STRN: variants seen among roughly 807,000 people sequenced by gnomAD.
The protein encoded by STRN is protein phosphatase 2 regulatory subunit B'''alpha.
STRN carries 53 observed loss-of-function variants against 96.3 expected under a neutral mutation model. The ratio of observed to expected loss-of-function variants is 0.55; its 90% CI spans 0.44 to 0.69. STRN has a LOEUF of 0.69. Ranked by LOEUF, STRN falls within the 30% of genes least tolerant of loss-of-function variation. The probability of loss-of-function intolerance (pLI) is 0.00; values close to 1 mark genes in which losing one functional copy is unlikely to be tolerated. For synonymous variants in STRN, 428 were observed against 355.9 expected (o/e 1.20, Z -2.28); for missense variants, 987 against 963.9 (o/e 1.02, Z -0.32).
chr2:36,934,035 G>C (rs1326373636), intron 1 of STRN, among the ~76,000 whole-genome samples: 4 of 152,112 alleles, frequency 2.6e-5, no homozygotes, highest in African/African-American at 9.7e-5. Context: ...CGTGAACCTA[G>C]GAGGCAGAGC....
intron 7 of STRN, among the ~76,000 whole-genome samples, chr2:36,892,408 C>T (rs1034918529): frequency 7.3e-5 from 11 of 151,516 alleles, no homozygotes; most frequent in Admixed American, 3.3e-4. Flanking sequence ...AATGTACTCC[C>T]AAAACTGAAA....
intron 1 of STRN, among the ~76,000 whole-genome samples, chr2:36,937,341 TCA>T (rs1491093737): frequency 1.7e-4 from 4 of 22,886 alleles, no homozygotes; most frequent in Admixed American, 1.1e-3. Flanking sequence ...TGAGACTGTC[TCA>T]AAAAAAAAAA....
intron 1 of STRN, among the ~76,000 whole-genome samples, chr2:36,941,794 C>A (rs1202927465): frequency 6.6e-6 from 1 of 151,562 alleles, no homozygotes; most frequent in African/African-American, 2.4e-5. Context: ...CTTGGGTGAT[C>A]CCCCAACCTC....
chr2:36,895,049 C>T (rs1377152014), intron 6 of STRN, among the ~76,000 whole-genome samples: 6 of 152,072 alleles, frequency 3.9e-5, no homozygotes, highest in African/African-American at 1.4e-4. Flanking sequence ...AAGGAGTGGC[C>T]GGGCCCGGTG....
At position 36,839,729 on chromosome 2, in the gene STRN, A is replaced by T. The variant is rs1667904755; in HGVS notation, c.*9727T>A. Among the ~76,000 whole-genome samples the T allele has an allele frequency of 6.6e-6, 1 of 152,214 alleles. No homozygotes were observed. The highest frequency in any genetic ancestry group is 2.4e-5 in the African/African-American group (1 of 41,458). ...CTGATCTTAAAGGAATCATATTTTT[A>T]GTAATTTTAATGACAGTTCTTACAT... On this transcript the variant is annotated 3_prime_UTR_variant, in exon 18 of 18. Transcript: ENST00000263918.
At chr2:36,965,226 G>A (rs1370699657) in intron 1 of STRN, among the ~76,000 whole-genome samples, 2 of 152,174 alleles carry the variant, frequency 1.3e-5, no homozygotes, top group Non-Finnish European at 2.9e-5. Context: ...TAAGTATACA[G>A]GCTTAGCCCG....
intron 8 of STRN, among the ~76,000 whole-genome samples, chr2:36,884,654 T>C (rs1236164938): frequency 6.6e-6 from 1 of 152,154 alleles, no homozygotes; most frequent in Non-Finnish European, 1.5e-5. Flanking sequence ...CAAAGTCTGT[T>C]ATGGTTTGTT....
At chr2:36,877,300 A>T (rs1398050451) in intron 10 of STRN, among the ~76,000 whole-genome samples, 1 of 152,224 alleles carries the variant, frequency 6.6e-6, no homozygotes, top group Non-Finnish European at 1.5e-5. Context: ...CTAAAAAAGA[A>T]AACAAAATCC....
At position 36,885,640 on chromosome 2, in the gene STRN, G is replaced by A. The variant is rs141991966; in HGVS notation, c.1042+1076C>T. ...TTTTATCAAATCAAGCTAAACGCTT[G>A]TAATTTCTAAAATATTTTAAATAAA... is the stretch of plus-strand genomic sequence containing the variant. On this transcript the variant is annotated intron_variant, in intron 8 of 17. Coordinates refer to ENST00000263918, the MANE Select transcript of STRN (RefSeq NM_003162.4). Among the ~76,000 whole-genome samples, 93 of 152,124 alleles carry A rather than the reference G, an allele frequency of 6.1e-4. 2 individuals are homozygous for A. In the East Asian group the frequency reaches 0.016, roughly 26 times the overall value.
intron 5 of STRN, among the ~76,000 whole-genome samples, chr2:36,901,280 TGGG>T (rs907659352): frequency 3.9e-5 from 6 of 152,086 alleles, no homozygotes. Context: ...TGGCCAGGCG[TGGG>T]GGCTCATGCC....
chr2:36,945,348 T>C (rs1011982878), intron 1 of STRN, among the ~76,000 whole-genome samples: 3 of 152,106 alleles, frequency 2.0e-5, no homozygotes, highest in Non-Finnish European at 4.4e-5. Flanking sequence ...AATAACATTA[T>C]CAAAAATACA....
intron 7 of STRN, among the ~76,000 whole-genome samples, chr2:36,893,649 A>G (rs1669460911): frequency 6.6e-6 from 1 of 152,200 alleles, no homozygotes; most frequent in Non-Finnish European, 1.5e-5. Flanking sequence ...AACAGAGAAT[A>G]TTCTGTATAG....
intron 14 of STRN, among the ~76,000 whole-genome samples, chr2:36,857,067 C>T (rs996562014): frequency 7.3e-5 from 11 of 149,862 alleles, no homozygotes; most frequent in African/African-American, 2.5e-4. Flanking sequence ...TATAGTGGTA[C>T]GAGAATGGGC....
rs188607310 is a variant in STRN at position 36,857,158 on chromosome 2, C to T, written c.1837+698G>A. Among the ~76,000 whole-genome samples the T allele has an allele frequency of 1.5e-4, 22 of 151,288 alleles. No individual in the cohort carries two copies. In the East Asian group the frequency reaches 3.7e-3, roughly 26 times the overall value. On this transcript the variant is annotated intron_variant, in intron 14 of 17. Coordinates refer to ENST00000263918, the MANE Select transcript of STRN (RefSeq NM_003162.4). ...GCCCAGCTGGTCCCAAATTCCTGGC[C>T]TCTCGTGATCCTCCTGCCTCAGCCT...
At chr2:36,957,787 G>GT (rs1664932353) in intron 1 of STRN, among the ~76,000 whole-genome samples, 1 of 95,320 alleles carries the variant, frequency 1.0e-5, no homozygotes, top group Non-Finnish European at 1.9e-5. Flanking sequence ...TGGAGTCTCT[G>GT]TTGCCCAGGC....
intron 1 of STRN, among the ~76,000 whole-genome samples, chr2:36,944,996 A>C (rs1024347697): frequency 6.6e-6 from 1 of 152,230 alleles, no homozygotes; most frequent in Non-Finnish European, 1.5e-5. Flanking sequence ...TGCAGTACTT[A>C]GTCAAATCAA....
In STRN at chr2:36,847,241, A is replaced by G. The variant is rs1668102128; in HGVS notation, c.*2215T>C. ...AAAAATTTCAACCATGAAGCATAAA[A>G]TGAACGGGGGAAGAATGTCCTGGTT... On this transcript the variant is annotated 3_prime_UTR_variant, in exon 18 of 18. Transcript: ENST00000263918. The G allele has an allele frequency of 6.6e-6, 1 of 152,192 alleles. No homozygotes were observed. The highest frequency in any genetic ancestry group is 1.5e-5 in the Non-Finnish European group (1 of 68,024). 9.4% of individuals were successfully genotyped at this position (152,192 alleles called of 1,614,324 possible).
At chr2:36,923,460 A>G (rs988393505) in intron 2 of STRN, among the ~76,000 whole-genome samples, 1 of 151,932 alleles carries the variant, frequency 6.6e-6, no homozygotes, top group South Asian at 2.1e-4. Context: ...AAAAAAAAAA[A>G]AAAACAACTC....
intron 9 of STRN, among the ~76,000 whole-genome samples, chr2:36,879,330 A>G (rs1669006554): frequency 6.6e-6 from 1 of 152,224 alleles, no homozygotes; most frequent in African/African-American, 2.4e-5. Context: ...TTGGCCTCCC[A>G]AAGTGCTGGG....
Sources: allele counts gnomAD v4.1 joint callset (sites outside exome capture counted in the v4.1 genomes callset), GRCh38; gene constraint gnomAD v4.1.1; transcripts MANE v1.5; gene names NCBI Gene and HGNC (gene_info 2026-07-23, HGNC 2026-07-21).